The following HMGA2 variants were observed in gnomAD, a reference collection of about 807,000 sequenced individuals.
HMGA2 encodes the protein high mobility group AT-hook 2.
HMGA2 carries 8 observed loss-of-function variants against 19.1 expected under a neutral mutation model. That is an observed-to-expected ratio of 0.42 (90% confidence interval 0.25 to 0.76). HMGA2 has a LOEUF of 0.76. HMGA2 is among the 30% of genes least tolerant of loss of function. The pLI is 0.28. For synonymous variants in HMGA2, 60 were observed against 48.8 expected, an observed-to-expected ratio of 1.23 and a Z score of -0.96; for missense variants, 109 against 136.3, an observed-to-expected ratio of 0.80 and a Z score of 1.00.
chr12:65,956,447 A>G (rs1423666015), intron 4 of HMGA2: 1 of 152,276 alleles, frequency 6.6e-6, no homozygotes, highest in Non-Finnish European at 1.5e-5. Context: ...GCTCAAGGAC[A>G]TAGAAGCACA....
At chr12:65,901,698 T>C (rs1874379326) in intron 3 of HMGA2, among the ~76,000 whole-genome samples, 1 of 152,212 alleles carries the variant, frequency 6.6e-6, no homozygotes, top group Non-Finnish European at 1.5e-5. Context: ...TATGAATATG[T>C]ATATATGCAC....
intron 3 of HMGA2, among the ~76,000 whole-genome samples, chr12:65,898,585 A>G (rs963652011): frequency 2.6e-5 from 4 of 152,202 alleles, no homozygotes; most frequent in African/African-American, 7.2e-5. Context: ...ACATATGGTT[A>G]TAGTACATAT....
At position 65,963,511 on chromosome 12, in the gene HMGA2, G is replaced by T; in HGVS notation, c.*219G>T. 1.7e-6 allele frequency: 1 copy of T among 571,800 alleles called. No homozygotes were observed. Among genetic ancestry groups the T allele is most frequent in the Non-Finnish European group, 3.1e-6 (1 of 323,878 alleles). The allele number at this position is 571,800 out of a possible 1,614,324, so 35.4% of individuals were successfully genotyped here. A position where few individuals can be genotyped will look rare whatever the true frequency, so the allele number is the denominator to read the frequency against. On this transcript the variant is annotated 3_prime_UTR_variant, in exon 5 of 5. Coordinates refer to ENST00000403681, the MANE Select transcript of HMGA2 (RefSeq NM_003483.6). ...TCTTTGTAATCCCTTCACAGTCCCA[G>T]GTTTAGTGAAAAACTGCTGTAAACA...
chr12:65,949,938 G>A (rs1026239110), intron 3 of HMGA2, among the ~76,000 whole-genome samples: 8 of 152,154 alleles, frequency 5.3e-5, no homozygotes, highest in African/African-American at 9.7e-5. Flanking sequence ...TGGCCAATAA[G>A]CACATGAAAA....
chr12:65,828,969 A>G (rs1051645256), intron 2 of HMGA2: 7 of 152,200 alleles, frequency 4.6e-5, no homozygotes, highest in African/African-American at 1.7e-4. Context: ...TAAATTGGAA[A>G]AAAAAGTTTC....
chr12:65,848,020 A>G (rs1170831046), intron 3 of HMGA2, among the ~76,000 whole-genome samples: 6 of 152,224 alleles, frequency 3.9e-5, no homozygotes, highest in Non-Finnish European at 8.8e-5. Flanking sequence ...CAGTATTTGT[A>G]ATAATTTTGA....
chr12:65,831,107 C>G (rs183901029), intron 2 of HMGA2: 1 of 151,796 alleles, frequency 6.6e-6, no homozygotes, highest in East Asian at 1.9e-4. Flanking sequence ...ATATCTTTAC[C>G]CTTTTATTTA....
In HMGA2 at chr12:65,825,494, C is replaced by A; in HGVS notation, c.111+113C>A. On this transcript the variant is annotated intron_variant, in intron 1 of 4. Transcript: ENST00000403681. This position sits in a 1 kb window ranked among gnomAD's most constrained non-coding sequence, Gnocchi z 4.4. ...GCCCAGTCGCCGCGGCCGTCGCACA[C>A]TGCCCGCCGGCCGGCCGGGGGGAGC... 1.6e-6 allele frequency: 1 copy of A among 610,400 alleles called. No homozygotes were observed. 37.8% of individuals were successfully genotyped at this position (610,400 alleles called of 1,614,324 possible). A position where few individuals can be genotyped will look rare whatever the true frequency, so the allele number is the denominator to read the frequency against.
At position 65,964,730 on chromosome 12, in the gene HMGA2, CTA is replaced by C. The variant is rs936759030; in HGVS notation, c.*1440_*1441del. 3.5e-5 allele frequency: 7 copies of C among 197,996 alleles called. No homozygotes were observed. The highest frequency in any genetic ancestry group is 1.8e-4 in the Admixed American group (3 of 16,562). The allele number at this position is 197,996 out of a possible 1,614,324, so 12.3% of individuals were successfully genotyped here. A position where few individuals can be genotyped will look rare whatever the true frequency, so the allele number is the denominator to read the frequency against. Reference sequence around the variant, plus strand: ...TGTTTCAGCATGACTATGTATTTTTCTATGTTTTTTTAATTAAAAATTTTTAA... The same window carrying C: ...TGTTTCAGCATGACTATGTATTTTTCTGTTTTTTTAATTAAAAATTTTTAA... On this transcript the variant is annotated 3_prime_UTR_variant, in exon 5 of 5. Coordinates refer to ENST00000403681, the MANE Select transcript of HMGA2 (RefSeq NM_003483.6).
chr12:65,878,601 A>G (rs1029988225), intron 3 of HMGA2, among the ~76,000 whole-genome samples: 1 of 152,232 alleles, frequency 6.6e-6, no homozygotes, highest in Non-Finnish European at 1.5e-5. Flanking sequence ...CTACAAGCCC[A>G]GTTTCCCCAG....
At position 65,824,765 on chromosome 12, in the gene HMGA2, CT is replaced by C; in HGVS notation, c.-505del. 2 of 210,428 alleles carry C rather than the reference CT, an allele frequency of 9.5e-6. No individual in the cohort carries two copies. The highest frequency in any genetic ancestry group is 3.8e-4 in the South Asian group (2 of 5,200). The allele number at this position is 210,428 out of a possible 1,614,324, so 13.0% of individuals were successfully genotyped here. A position where few individuals can be genotyped will look rare whatever the true frequency, so the allele number is the denominator to read the frequency against. On this transcript the variant is annotated 5_prime_UTR_variant, in exon 1 of 5. Coordinates refer to ENST00000403681, the MANE Select transcript of HMGA2 (RefSeq NM_003483.6). Reference sequence around the variant, plus strand: ...TCTCTCTCTCTCTCTCTCTCTCTCTCTCTCGCAGGGTGGGGGGAAGAGGAGG... The same window carrying C: ...TCTCTCTCTCTCTCTCTCTCTCTCTCCTCGCAGGGTGGGGGGAAGAGGAGG...
At chr12:65,921,970 C>T (rs944129597) in intron 3 of HMGA2, among the ~76,000 whole-genome samples, 4 of 152,176 alleles carry the variant, frequency 2.6e-5, no homozygotes, top group Admixed American at 2.0e-4. Flanking sequence ...TGTGGGTGCA[C>T]GGAAGTCAAG....
intron 3 of HMGA2, among the ~76,000 whole-genome samples, chr12:65,902,605 T>C (rs945868203): frequency 3.3e-5 from 5 of 152,268 alleles, no homozygotes; most frequent in Admixed American, 6.5e-5. Context: ...TAAAACTAAG[T>C]GACAGCTGGA....
intron 3 of HMGA2, among the ~76,000 whole-genome samples, chr12:65,913,018 A>G (rs1874911040): frequency 6.6e-6 from 1 of 152,206 alleles, no homozygotes; most frequent in African/African-American, 2.4e-5. Context: ...AAAAATCTCT[A>G]TTGTTTGAAA....
chr12:65,858,672 C>T (rs1871873702), intron 3 of HMGA2: 1 of 151,924 alleles, frequency 6.6e-6, no homozygotes, highest in African/African-American at 2.4e-5. Flanking sequence ...TTTGACATTC[C>T]AGGGGTTTAA....
intron 3 of HMGA2, among the ~76,000 whole-genome samples, chr12:65,916,034 G>A (rs769652762): frequency 5.9e-5 from 9 of 152,200 alleles, no homozygotes; most frequent in South Asian, 2.1e-4. Flanking sequence ...GAGTCCAGTC[G>A]TTCTAAGAGG....
chr12:65,933,133 G>T lies in HMGA2; in HGVS notation c.250-18250G>T, dbSNP rs80111508. ...TGCATTCTTACGAATTCTTTATCAT[G>T]ATTACACTCCTATCTAGTATAATTT... On this transcript the variant is annotated intron_variant, in intron 3 of 4. Coordinates refer to ENST00000403681, the MANE Select transcript of HMGA2 (RefSeq NM_003483.6). 1.1e-3 allele frequency among the ~76,000 whole-genome samples: 162 copies of T among 152,110 alleles called. 1 individual carries two copies. The highest frequency in any genetic ancestry group is 3.6e-3 in the African/African-American group (149 of 41,468).
At chr12:65,863,025 G>C (rs376602518) in intron 3 of HMGA2, among the ~76,000 whole-genome samples, 18 of 152,284 alleles carry the variant, frequency 1.2e-4, no homozygotes, top group African/African-American at 4.3e-4. Context: ...TAATTGGCAT[G>C]GCTGTTTCAT....
chr12:65,896,687 A>G (rs1874145708), intron 3 of HMGA2, among the ~76,000 whole-genome samples: 1 of 152,250 alleles, frequency 6.6e-6, no homozygotes, highest in Non-Finnish European at 1.5e-5. Flanking sequence ...TTTGTTGAAC[A>G]TAAGATGATT....
Sources: gnomAD v4.1 joint callset for allele counts (sites outside exome capture counted in the v4.1 genomes callset) on GRCh38, gnomAD v4.1.1 for gene constraint, Gnocchi (gnomAD v3.1) non-coding constraint, MANE v1.5 for transcripts, NCBI Gene and HGNC (gene_info 2026-07-23, HGNC 2026-07-21) for gene names.